The following KIAA0319L variants were observed in gnomAD, a reference collection of about 807,000 sequenced individuals.
KIAA0319L encodes KIAA0319 like.
A neutral mutation model predicts 120.1 loss-of-function variants in KIAA0319L; 55 were observed. The observed-to-expected ratio is 0.46, with a 90% CI of 0.37 to 0.57. The LOEUF (loss-of-function observed/expected upper bound fraction) is 0.57. Among genes scored for constraint, KIAA0319L ranks in the 20% least tolerant of loss-of-function variants. The pLI, the probability that KIAA0319L is intolerant of heterozygous loss-of-function variation, is 0.00. For synonymous variants in KIAA0319L, 398 were observed against 471.9 expected, an observed-to-expected ratio of 0.84 and a Z score of 2.03; for missense variants, 1,049 against 1,255.3, an observed-to-expected ratio of 0.84 and a Z score of 2.48.
At chr1:35,473,773 C>T (rs114148436) in intron 5 of KIAA0319L, among the ~76,000 whole-genome samples, 2,477 of 152,252 alleles carry the variant, frequency 0.016, 71 homozygotes, top group African/African-American at 0.056. Flanking sequence ...ATTAAGAATA[C>T]TGTATTGGAG....
At chr1:35,435,431 G>A (rs1640710983) in intron 20 of KIAA0319L, 1 of 196,604 alleles carries the variant, frequency 5.1e-6, no homozygotes, top group Non-Finnish European at 1.0e-5. Context: ...TGGGTGGAAT[G>A]ACATGGTAGG....
Position 35,474,788 on chromosome 1 carries a change from T to C in KIAA0319L, c.1015+17A>G, listed in dbSNP as rs779823014. The C allele has an allele frequency of 6.9e-7, 1 of 1,445,996 alleles. No homozygotes were observed. The highest frequency in any genetic ancestry group is 9.7e-7 in the Non-Finnish European group (1 of 1,028,434). 89.6% of individuals were successfully genotyped at this position (1,445,996 alleles called of 1,614,324 possible). A position where few individuals can be genotyped will look rare whatever the true frequency, so the allele number is the denominator to read the frequency against. On this transcript the variant is annotated intron_variant, in intron 5 of 20. Transcript: ENST00000325722. The stretch of plus-strand genomic sequence containing the variant: ...CAAAAACAAAAAACGGTTATCCAAA[T>C]GTAAGGGGATGTTTACCTTTAGGTG...
In KIAA0319L at chr1:35,450,512, A is replaced by T; in HGVS notation, c.2063-3T>A. 1 of 1,603,482 alleles carries T rather than the reference A, an allele frequency of 6.2e-7. No homozygotes were observed. Among genetic ancestry groups the T allele is most frequent in the Non-Finnish European group, 8.5e-7 (1 of 1,173,168 alleles). ...GGCTATAGGTGGTTTGTTTATTTCT[A>T]ATCAAAAAGAAATCATTGACATAAT... is the stretch of plus-strand genomic sequence containing the variant. On this transcript the variant is annotated splice_region_variant and splice_polypyrimidine_tract_variant and intron_variant, in intron 13 of 20. Transcript: ENST00000325722.
At chr1:35,452,767 A>C (rs1335856850) in intron 12 of KIAA0319L, among the ~76,000 whole-genome samples, 1 of 152,228 alleles carries the variant, frequency 6.6e-6, no homozygotes, top group Non-Finnish European at 1.5e-5. Context: ...CAATCTCAAA[A>C]GCAAGTCATT....
chr1:35,513,288 A>ATAT (rs1414704674), intron 2 of KIAA0319L, among the ~76,000 whole-genome samples: 62 of 85,300 alleles, frequency 7.3e-4, no homozygotes, highest in Admixed American at 2.5e-3. Flanking sequence ...ATATATATAT[A>ATAT]TTTTTTTTTT....
rs1303780717 is a variant in KIAA0319L, at chr1:35,506,833, G to C, written c.445C>G (p.Pro149Ala). Residue 149 changes from proline (P) to alanine (A), a missense_variant, in exon 3 of 21, where the codon CCA (proline) becomes GCA (alanine). Coordinates refer to ENST00000325722, the MANE Select transcript of KIAA0319L (RefSeq NM_024874.5). This position sits in a 1 kb window ranked among gnomAD's most constrained non-coding sequence, Gnocchi z 4.0. Reference protein sequence around the residue: ...DLGFLPEDDVPHLLGLGWNWA... With the variant: ...DLGFLPEDDVAHLLGLGWNWA... Reference sequence around the variant, plus strand: ...TTCCAACCTAGCCCCAGAAGATGTGGTACATCATCTTCAGGTAGAAAGCCC... The same window carrying C: ...TTCCAACCTAGCCCCAGAAGATGTGCTACATCATCTTCAGGTAGAAAGCCC... 6.2e-7 allele frequency: 1 copy of C among 1,614,186 alleles called. No homozygotes were observed. Among genetic ancestry groups the C allele is most frequent in the Admixed American group, 1.7e-5 (1 of 60,024 alleles).
chr1:35,457,684 A>C (rs1642580289), intron 9 of KIAA0319L, among the ~76,000 whole-genome samples: 1 of 152,172 alleles, frequency 6.6e-6, no homozygotes, highest in Admixed American at 6.5e-5. Flanking sequence ...AAGCATAGAA[A>C]AGACATGTAG....
At chr1:35,533,262 T>C (rs948230113) in intron 2 of KIAA0319L, 1 of 152,178 alleles carries the variant, frequency 6.6e-6, no homozygotes, top group Admixed American at 6.5e-5. Context: ...GAACGTCCCC[T>C]GTTTCAGGAG....
Position 35,506,537 on chromosome 1 carries a change from G to C in KIAA0319L, c.666+75C>G. The C allele has an allele frequency of 7.1e-7, 1 of 1,401,740 alleles. No individual in the cohort carries two copies. 86.8% of individuals were successfully genotyped at this position (1,401,740 alleles called of 1,614,324 possible). A position where few individuals can be genotyped will look rare whatever the true frequency, so the allele number is the denominator to read the frequency against. Reference sequence around the variant, plus strand: ...CTATGAGCACTGCCCGCAAGCATCAGCTTCATTGCTCATATATACCAAATG... The same window carrying C: ...CTATGAGCACTGCCCGCAAGCATCACCTTCATTGCTCATATATACCAAATG... On this transcript the variant is annotated intron_variant, in intron 3 of 20. Coordinates refer to ENST00000325722, the MANE Select transcript of KIAA0319L (RefSeq NM_024874.5). This position sits in a 1 kb window ranked among gnomAD's most constrained non-coding sequence, Gnocchi z 4.0.
At chr1:35,441,215 C>CA in intron 19 of KIAA0319L, 77 bp from the exon 20 acceptor site, 1 of 1,315,596 alleles carries the variant, frequency 7.6e-7, no homozygotes, top group Admixed American at 1.7e-5. Context: ...GATGTGCATG[C>CA]AGGGCCCTAT....
intron 3 of KIAA0319L, among the ~76,000 whole-genome samples, chr1:35,502,504 C>T (rs902240981): frequency 6.6e-6 from 1 of 151,082 alleles, no homozygotes; most frequent in Non-Finnish European, 1.5e-5. Flanking sequence ...ACATGGGTAA[C>T]TCATTTAACA....
intron 2 of KIAA0319L, among the ~76,000 whole-genome samples, chr1:35,545,683 GCAGGTGTTTGAGA>G (rs1646955029): frequency 6.6e-6 from 1 of 152,110 alleles, no homozygotes; most frequent in South Asian, 2.1e-4. Context: ...GGAGGGTGAG[GCAGGTGTTTGAGA>G]CCAGCCTGGC....
chr1:35,497,470 G>A (rs976205040), intron 3 of KIAA0319L, among the ~76,000 whole-genome samples: 17 of 152,224 alleles, frequency 1.1e-4, no homozygotes, highest in Middle Eastern at 3.4e-3. Flanking sequence ...GGGGGTGAGA[G>A]GGACAGATTA....
At chr1:35,541,496 T>C (rs1646791097) in intron 2 of KIAA0319L, among the ~76,000 whole-genome samples, 1 of 151,768 alleles carries the variant, frequency 6.6e-6, no homozygotes, top group African/African-American at 2.4e-5. Context: ...ATAACAGACA[T>C]GCACCACCAC....
At chr1:35,462,574 A>T in intron 8 of KIAA0319L, 47 bp downstream of exon 8, 1 of 1,443,068 alleles carries the variant, frequency 6.9e-7, no homozygotes. Flanking sequence ...CTATCAGAGT[A>T]CACGGTGAAT....
intron 2 of KIAA0319L, 38 bp downstream of exon 2, chr1:35,554,312 T>G: frequency 8.5e-7 from 1 of 1,175,600 alleles, no homozygotes; most frequent in Non-Finnish European, 1.1e-6. Context: ...TGCCCTTTTC[T>G]AAAAAAAAAA....
intron 3 of KIAA0319L, among the ~76,000 whole-genome samples, chr1:35,494,656 A>C (rs1212012062): frequency 6.6e-6 from 1 of 151,484 alleles, no homozygotes; most frequent in African/African-American, 2.4e-5. Flanking sequence ...GAAAAAAAAA[A>C]AACAAACTAG....
chr1:35,519,982 C>G (rs541977020), intron 2 of KIAA0319L, among the ~76,000 whole-genome samples: 2 of 152,224 alleles, frequency 1.3e-5, no homozygotes, highest in Non-Finnish European at 2.9e-5. Flanking sequence ...ACTGATCTCA[C>G]TCTAAGTAAA....
At chr1:35,531,981 C>G (rs983688700) in intron 2 of KIAA0319L, among the ~76,000 whole-genome samples, 1 of 152,126 alleles carries the variant, frequency 6.6e-6, no homozygotes, top group African/African-American at 2.4e-5. Context: ...AAGAGGTAGG[C>G]CTGGCGCGGT....
Sources: allele counts gnomAD v4.1 joint callset (sites outside exome capture counted in the v4.1 genomes callset), GRCh38; gene constraint gnomAD v4.1.1; non-coding constraint Gnocchi (gnomAD v3.1); transcripts MANE v1.5; gene names NCBI Gene and HGNC (gene_info 2026-07-23, HGNC 2026-07-21).